The following MAP4 variants were observed in gnomAD, a reference collection of about 807,000 sequenced individuals.
MAP4 encodes microtubule associated protein 4.
Under a neutral mutation model 170.2 loss-of-function variants are expected in MAP4, and 76 were observed. That is an observed-to-expected ratio of 0.45 (90% CI 0.37 to 0.54). The LOEUF is 0.54. Among genes scored for constraint, MAP4 ranks in the 20% least tolerant of loss-of-function variants. The probability of loss-of-function intolerance (pLI) is 0.00; values close to 1 mark genes in which losing one functional copy is unlikely to be tolerated. For synonymous variants in MAP4, 909 were observed against 994.5 expected (o/e 0.91, Z 1.62); for missense variants, 2,506 against 2,748.0 (o/e 0.91, Z 1.97).
chr3:47,948,901 G>A (rs895639457), intron 3 of MAP4, among the ~76,000 whole-genome samples: 1 of 152,094 alleles, frequency 6.6e-6, no homozygotes, highest in African/African-American at 2.4e-5. Flanking sequence ...GATTATAGGC[G>A]TGAGCCACTG....
At chr3:48,067,447 G>C (rs549600456) in intron 1 of MAP4, among the ~76,000 whole-genome samples, 92 of 152,070 alleles carry the variant, frequency 6.0e-4, no homozygotes, top group Non-Finnish European at 9.7e-4. Flanking sequence ...TACCACCTGA[G>C]CCTCCCAGAG....
chr3:47,863,909 T>G (rs907928009), intron 17 of MAP4, among the ~76,000 whole-genome samples: 21 of 122,076 alleles, frequency 1.7e-4, no homozygotes, highest in African/African-American at 4.9e-4. Context: ...TGTGTGTGTG[T>G]GTGTGGGTGT....
chr3:47,895,254 C>T (rs558691252), intron 10 of MAP4, among the ~76,000 whole-genome samples: 2 of 152,308 alleles, frequency 1.3e-5, no homozygotes, highest in Admixed American at 1.3e-4. Flanking sequence ...ATCTGTGTCA[C>T]TTAATAGTTA....
At chr3:47,991,602 T>C (rs1480033627) in intron 2 of MAP4, among the ~76,000 whole-genome samples, 1 of 151,970 alleles carries the variant, frequency 6.6e-6, no homozygotes, top group Non-Finnish European at 1.5e-5. Context: ...TTACGTTAGA[T>C]GTTGCAGTAA....
At chr3:48,049,181 C>A (rs1169829068) in intron 1 of MAP4, among the ~76,000 whole-genome samples, 1 of 152,222 alleles carries the variant, frequency 6.6e-6, no homozygotes, top group Non-Finnish European at 1.5e-5. Context: ...GTTGACACAA[C>A]ATTTGGATTG....
At chr3:48,045,127 G>A (rs940345539) in intron 1 of MAP4, among the ~76,000 whole-genome samples, 2 of 150,826 alleles carry the variant, frequency 1.3e-5, no homozygotes, top group Admixed American at 6.6e-5. Context: ...GCATGGTGGT[G>A]CATGCCTATA....
intron 10 of MAP4, among the ~76,000 whole-genome samples, chr3:47,898,362 C>A (rs1036297216): frequency 9.2e-5 from 14 of 151,412 alleles, no homozygotes; most frequent in Non-Finnish European, 4.4e-5. Context: ...ATTAGCTGGG[C>A]GTGGTGGCAC....
At chr3:48,049,275 G>C in intron 1 of MAP4, among the ~76,000 whole-genome samples, 1 of 152,142 alleles carries the variant, frequency 6.6e-6, no homozygotes, top group South Asian at 2.1e-4. Context: ...ATTTTATTTG[G>C]AGTAAATAAC....
chr3:47,961,207 T>TA (rs1413898104), intron 3 of MAP4: 3 of 152,418 alleles, frequency 2.0e-5, no homozygotes, highest in African/African-American at 4.8e-5. Flanking sequence ...TGAGGACTGA[T>TA]AAACAGCCAG....
intron 1 of MAP4, among the ~76,000 whole-genome samples, chr3:48,054,867 C>G (rs891626428): frequency 7.3e-5 from 11 of 151,040 alleles, no homozygotes; most frequent in Non-Finnish European, 1.6e-4. Flanking sequence ...GCTAAAAGAC[C>G]AAGAAAGTAG....
chr3:48,025,942 T>TAAC (rs1180076416), intron 1 of MAP4, among the ~76,000 whole-genome samples: 3 of 144,464 alleles, frequency 2.1e-5, no homozygotes, highest in African/African-American at 5.0e-5. Context: ...ATAATAACAA[T>TAAC]AATAATAATA....
rs368740889 is a variant in MAP4 at position 48,024,209 on chromosome 3, C to T, written c.-19-25330G>A. Among the ~76,000 whole-genome samples the T allele has an allele frequency of 4.0e-3, 612 of 152,152 alleles. 6 individuals carry two copies. Among genetic ancestry groups the T allele is most frequent in the African/African-American group, 0.014 (593 of 41,506 alleles). ...CCTGTAGTCCCAGCTACTCGGGAGG[C>T]TGAGGCAGGAGAATCGCTTGAACCT... is the stretch of plus-strand genomic sequence containing the variant. On this transcript the variant is annotated intron_variant, in intron 1 of 18. Coordinates refer to the MAP4 transcript ENST00000360240.
At chr3:47,921,618 A>T in intron 5 of MAP4, 147 bp downstream of exon 5, 1 of 597,156 alleles carries the variant, frequency 1.7e-6, no homozygotes, top group East Asian at 2.8e-5. Flanking sequence ...GGTACCTCTC[A>T]TGTACATATT....
intron 3 of MAP4, among the ~76,000 whole-genome samples, chr3:47,945,212 C>T (rs1051548471): frequency 6.6e-6 from 1 of 151,846 alleles, no homozygotes; most frequent in Non-Finnish European, 1.5e-5. Context: ...ATTAGCCAGG[C>T]ATGGTGGCAT....
intron 3 of MAP4, among the ~76,000 whole-genome samples, chr3:47,977,313 G>A (rs571877310): frequency 6.6e-6 from 1 of 152,256 alleles, no homozygotes; most frequent in Non-Finnish European, 1.5e-5. Flanking sequence ...TTATGAGACA[G>A]GAACCCACAG....
At chr3:47,979,278 GT>G (rs1282676285) in intron 2 of MAP4, among the ~76,000 whole-genome samples, 1 of 151,612 alleles carries the variant, frequency 6.6e-6, no homozygotes, top group Non-Finnish European at 1.5e-5. Flanking sequence ...AGGTAATTAG[GT>G]AATTATTACA....
chr3:47,880,893 A>G (rs1559880526), intron 10 of MAP4, among the ~76,000 whole-genome samples: 1 of 152,114 alleles, frequency 6.6e-6, no homozygotes, highest in Non-Finnish European at 1.5e-5. Context: ...TGTTTATGAG[A>G]TTTTGTTGTT....
intron 3 of MAP4, among the ~76,000 whole-genome samples, chr3:47,970,536 G>A (rs932459987): frequency 6.6e-5 from 10 of 150,762 alleles, no homozygotes; most frequent in Non-Finnish European, 1.3e-4. Context: ...AAGGCTGGGC[G>A]TGGTGGCTCA....
intron 11 of MAP4, chr3:47,877,137 A>G (rs1469862056): frequency 3.9e-5 from 11 of 283,140 alleles, no homozygotes; most frequent in Non-Finnish European, 6.8e-5. Flanking sequence ...TTGGCCTCCC[A>G]AAGTGCTGAG....
Sources: allele counts gnomAD v4.1 joint callset (sites outside exome capture counted in the v4.1 genomes callset), GRCh38; gene constraint gnomAD v4.1.1; transcripts MANE v1.5; gene names NCBI Gene and HGNC (gene_info 2026-07-23, HGNC 2026-07-21).